Variants in TNNT2 observed in about 807,000 individuals in gnomAD.
TNNT2 encodes troponin T2, cardiac type, also known as troponin T, cardiac muscle.
A neutral mutation model predicts 62.4 loss-of-function variants in TNNT2; 34 were observed. The observed-to-expected ratio is 0.54, with a 90% CI of 0.41 to 0.72. The LOEUF (loss-of-function observed/expected upper bound fraction) is 0.72. Among genes scored for constraint, TNNT2 ranks in the 30% least tolerant of loss-of-function variants. The pLI, the probability that TNNT2 is intolerant of heterozygous loss-of-function variation, is 0.00. For missense variants in TNNT2, 275 were observed against 381.9 expected (o/e 0.72, Z 2.33); for synonymous variants, 123 against 127.2 (o/e 0.97, Z 0.22).
rs376037051 is a variant in TNNT2, at chr1:201,361,310, A to T, written c.779T>A (p.Leu260Gln). Residue 260 changes from leucine to glutamine, a missense_variant, in exon 15 of 17, where the codon CTG (leucine) becomes CAG (glutamine). Leu to Gln is a moderately radical substitution (Grantham distance 113, BLOSUM62 -2). Coordinates refer to ENST00000656932, the MANE Select transcript of TNNT2 (RefSeq NM_001276345.2). The part of the protein sequence containing the change: ...IYNLEAEKFD[L>Q]QEKFKQQKYE... Reference sequence around the variant, plus strand: ...TTTCTGCTGCTTGAACTTCTCCTGCAGGTCGAACTTCTCTGCCTCCAAGTT... The same window carrying T: ...TTTCTGCTGCTTGAACTTCTCCTGCTGGTCGAACTTCTCTGCCTCCAAGTT... 3.1e-6 allele frequency: 5 copies of T among 1,614,138 alleles called. No individual in the cohort carries two copies. The South Asian group carries it at 5.5e-5, about 18-fold the overall frequency.
At chr1:201,371,817 A>C (rs918084914) in intron 4 of TNNT2, among the ~76,000 whole-genome samples, 1 of 152,232 alleles carries the variant, frequency 6.6e-6, no homozygotes, top group Non-Finnish European at 1.5e-5. Context: ...AGCAAATGGC[A>C]GACAGAAGAG....
chr1:201,376,748 A>G (rs1280401264), intron 1 of TNNT2, among the ~76,000 whole-genome samples: 1 of 152,216 alleles, frequency 6.6e-6, no homozygotes, highest in Non-Finnish European at 1.5e-5. Context: ...AGGAGAAACT[A>G]GAAACCAAGG....
intron 7 of TNNT2, chr1:201,367,223 A>C: frequency 2.3e-6 from 1 of 430,988 alleles, no homozygotes; most frequent in Non-Finnish European, 4.3e-6. Context: ...TGGCCCTAGA[A>C]TCCCCTCCCA....
Position 201,365,326 on chromosome 1 carries a change from G to T in TNNT2, c.295-19C>A. On this transcript the variant is annotated intron_variant, in intron 9 of 16. Transcript: ENST00000656932. ...GGATGTCCTGTGGGTGGACCGCTGC[G>T]GCTCAGAGGCTGCCACTCCAAAGAG... The T allele has an allele frequency of 6.3e-7, 1 of 1,598,764 alleles. No homozygotes were observed. Among genetic ancestry groups the T allele is most frequent in the Non-Finnish European group, 8.6e-7 (1 of 1,166,258 alleles).
Position 201,359,133 on chromosome 1 carries a change from G to C in TNNT2, c.*77C>G. 3 of 1,554,754 alleles carry C rather than the reference G, an allele frequency of 1.9e-6. No individual in the cohort carries two copies. The highest frequency in any genetic ancestry group is 2.6e-6 in the Non-Finnish European group (3 of 1,144,852). ...CAGGAGCTGCCTGGGGTGCCCAGGA[G>C]GGCCCGGGAACTGGGGGAGTGCAGG... is the stretch of plus-strand genomic sequence containing the variant. On this transcript the variant is annotated 3_prime_UTR_variant, in exon 17 of 17. Coordinates refer to ENST00000656932, the MANE Select transcript of TNNT2 (RefSeq NM_001276345.2).
intron 5 of TNNT2, chr1:201,368,543 G>C: frequency 2.1e-6 from 1 of 487,752 alleles, no homozygotes; most frequent in Admixed American, 2.3e-5. Context: ...TTAAGCCGAG[G>C]TGTCCAGAAG....
intron 8 of TNNT2, chr1:201,366,610 T>C (rs1659708168): frequency 6.9e-7 from 1 of 1,438,884 alleles, no homozygotes; most frequent in Non-Finnish European, 9.1e-7. Flanking sequence ...GCCCCATCCC[T>C]GCTAGGGTGC....
chr1:201,375,417 G>A (rs1167413275), intron 1 of TNNT2: 1 of 152,194 alleles, frequency 6.6e-6, no homozygotes, highest in East Asian at 1.9e-4. Context: ...TGTTTACAAG[G>A]AGCTCTGAAC....
chr1:201,370,012 G>A (rs548152582), intron 4 of TNNT2, among the ~76,000 whole-genome samples, 167 bp from the exon 5 acceptor site: 2 of 152,256 alleles, frequency 1.3e-5, no homozygotes, highest in African/African-American at 4.8e-5. Flanking sequence ...CAGCAACAGG[G>A]GCAACTCTCA....
At chr1:201,372,638 A>G (rs1370738819) in intron 2 of TNNT2, among the ~76,000 whole-genome samples, 2 of 152,046 alleles carry the variant, frequency 1.3e-5, no homozygotes, top group Non-Finnish European at 2.9e-5. Flanking sequence ...CTCCCAGTTT[A>G]TGTCTTAACA....
intron 7 of TNNT2, chr1:201,367,547 C>A (rs1659883833): frequency 4.7e-6 from 3 of 635,174 alleles, no homozygotes; most frequent in Non-Finnish European, 8.5e-6. Context: ...ACAATGGTCC[C>A]CTCTCCCACT....
At position 201,364,378 on chromosome 1, in the gene TNNT2, A is replaced by G. The variant is rs751478688; in HGVS notation, c.412-3T>C. ...GCCCGCTCTGCCCGACGTCTCTCCT[A>G]AGGAGAAGAGGCAAAGCCCACCCAG... is the stretch of plus-strand genomic sequence containing the variant. On this transcript the variant is annotated splice_region_variant and splice_polypyrimidine_tract_variant and intron_variant, in intron 10 of 16. Transcript: ENST00000656932. 6.2e-7 allele frequency: 1 copy of G among 1,612,288 alleles called. No individual in the cohort carries two copies.
chr1:201,373,530 T>C (rs1364643619), intron 1 of TNNT2: 3 of 530,050 alleles, frequency 5.7e-6, no homozygotes, highest in Non-Finnish European at 1.0e-5. Flanking sequence ...GATGCTGCAT[T>C]TCCATTTGTG....
At position 201,364,394 on chromosome 1, in the gene TNNT2, G is replaced by A. The variant is rs1659286836; in HGVS notation, c.412-19C>T. On this transcript the variant is annotated intron_variant, in intron 10 of 16. Coordinates refer to ENST00000656932, the MANE Select transcript of TNNT2 (RefSeq NM_001276345.2). The stretch of plus-strand genomic sequence containing the variant: ...GTCTCTCCTAAGGAGAAGAGGCAAA[G>A]CCCACCCAGGTGTGCATAGGGAGAA... The A allele has an allele frequency of 1.2e-6, 2 of 1,610,574 alleles. No homozygotes were observed. Among genetic ancestry groups the A allele is most frequent in the Non-Finnish European group, 1.7e-6 (2 of 1,179,634 alleles).
chr1:201,362,208 A>G, intron 13 of TNNT2, 178 bp downstream of exon 13: 1 of 1,257,094 alleles, frequency 8.0e-7, no homozygotes, highest in Non-Finnish European at 1.1e-6. Context: ...AGGGGCAAGA[A>G]GGATCACGTC....
chr1:201,359,366 C>T (rs1315889647), intron 16 of TNNT2, 111 bp from the exon 17 acceptor site: 1 of 1,346,456 alleles, frequency 7.4e-7, no homozygotes, highest in Non-Finnish European at 1.0e-6. Context: ...GCTGGAGCTG[C>T]CTCCAGGGGC....
rs139705141 is a variant in TNNT2 at position 201,373,245 on chromosome 1, T to G, written c.10A>C (p.Ile4Leu). ...TCGTACTCTTCCACCACCTCTTCTA[T>G]GTCAGACATGGTCTCTGCTCTCCCT... MSD[I>L]EEVVEEYEEE... The change falls in exon 2 of 17, where the codon ATA (isoleucine) becomes CTA (leucine). Residue 4 changes from isoleucine to leucine, a missense_variant. By Grantham distance (5) the Ile-to-Leu change is conservative (BLOSUM62 2). Coordinates refer to ENST00000656932, the MANE Select transcript of TNNT2 (RefSeq NM_001276345.2). The G allele has an allele frequency of 4.3e-6, 7 of 1,614,010 alleles. No individual in the cohort carries two copies. The African/African-American group carries it at 8.0e-5, about 18-fold the overall frequency.
chr1:201,364,991 G>GGA (rs778145695), intron 10 of TNNT2, among the ~76,000 whole-genome samples, 200 bp downstream of exon 10: 1 of 152,140 alleles, frequency 6.6e-6, no homozygotes, highest in Non-Finnish European at 1.5e-5. Flanking sequence ...AGTAGGATGG[G>GGA]GAGGGAAGGC....
intron 1 of TNNT2, among the ~76,000 whole-genome samples, chr1:201,377,005 C>T (rs1661497147): frequency 6.6e-6 from 1 of 152,352 alleles, no homozygotes; most frequent in African/African-American, 2.4e-5. Flanking sequence ...GAGTCAGCGG[C>T]ATCAAATGGA....
Sources: allele counts gnomAD v4.1 joint callset (sites outside exome capture counted in the v4.1 genomes callset), GRCh38; gene constraint gnomAD v4.1.1; transcripts MANE v1.5; gene names NCBI Gene and HGNC (gene_info 2026-07-23, HGNC 2026-07-21).